Variants in RALYL observed in about 807,000 individuals in gnomAD.
RALYL encodes the protein RALY RNA binding protein like, also known as RNA-binding Raly-like protein.
RALYL carries 29 observed loss-of-function variants against 35.1 expected under a neutral mutation model. The ratio of observed to expected loss-of-function variants is 0.83; its 90% CI spans 0.61 to 1.13. The LOEUF is 1.13. Ranked by LOEUF, RALYL falls within the 50% of genes most tolerant of loss-of-function variation. The probability of loss-of-function intolerance (pLI) is 0.00; values close to 1 mark genes in which losing one functional copy is unlikely to be tolerated. For synonymous variants in RALYL, 120 were observed against 127.6 expected (o/e 0.94, Z 0.40); for missense variants, 359 against 360.4 (o/e 1.00, Z 0.03).
At chr8:84,252,110 C>T (rs1163390428) in intron 1 of RALYL, among the ~76,000 whole-genome samples, 2 of 151,922 alleles carry the variant, frequency 1.3e-5, no homozygotes, top group African/African-American at 2.4e-5. Flanking sequence ...AACATGGAAC[C>T]GTTATATTTT....
chr8:84,418,569 A>G (rs1408876372), intron 1 of RALYL, among the ~76,000 whole-genome samples: 1 of 152,114 alleles, frequency 6.6e-6, no homozygotes, highest in African/African-American at 2.4e-5. Flanking sequence ...CTCTAGGTAC[A>G]GTTTTATATT....
intron 3 of RALYL, among the ~76,000 whole-genome samples, chr8:84,798,944 G>A (rs1335799201): frequency 6.6e-6 from 1 of 152,158 alleles, no homozygotes; most frequent in Non-Finnish European, 1.5e-5. Context: ...GTAGACTGAA[G>A]TCATAGAAGA....
At chr8:84,319,945 A>G (rs372273922) in intron 1 of RALYL, among the ~76,000 whole-genome samples, 227 of 152,188 alleles carry the variant, frequency 1.5e-3, no homozygotes, top group African/African-American at 4.7e-3. Flanking sequence ...TATAGCTTAT[A>G]TTTATGTATA....
At chr8:84,787,263 G>A (rs1819745609) in intron 3 of RALYL, among the ~76,000 whole-genome samples, 1 of 150,624 alleles carries the variant, frequency 6.6e-6, no homozygotes. Flanking sequence ...TGCGGTGTTT[G>A]GTTTTCTGTT....
At chr8:84,323,538 C>A (rs1269596009) in intron 1 of RALYL, among the ~76,000 whole-genome samples, 1 of 152,000 alleles carries the variant, frequency 6.6e-6, no homozygotes, top group African/African-American at 2.4e-5. Flanking sequence ...AAAATCATTT[C>A]ATTTCTTGGT....
intron 4 of RALYL, among the ~76,000 whole-genome samples, chr8:84,816,419 T>A (rs1292882440): frequency 6.6e-6 from 1 of 152,216 alleles, no homozygotes; most frequent in East Asian, 1.9e-4. Context: ...AAATTAAATA[T>A]CGATTTATAC....
rs114199488 is a variant in RALYL, at chr8:84,580,771, A to T, written c.256+51194A>T. 1.8e-3 allele frequency among the ~76,000 whole-genome samples: 280 copies of T among 152,322 alleles called. 2 individuals are homozygous for T. The highest frequency in any genetic ancestry group is 6.6e-3 in the African/African-American group (273 of 41,568). ...ATTGCTGCAATTACTATTGCTGCAT[A>T]ATAAGTCACCCCAAATTGTATTAGT... On this transcript the variant is annotated intron_variant, in intron 2 of 8. Transcript: ENST00000521268.
At chr8:84,785,921 C>T (rs578092390) in intron 3 of RALYL, among the ~76,000 whole-genome samples, 3 of 152,190 alleles carry the variant, frequency 2.0e-5, no homozygotes, top group Non-Finnish European at 2.9e-5. Context: ...CACCTATCAA[C>T]CCATCACCTA....
intron 1 of RALYL, among the ~76,000 whole-genome samples, chr8:84,279,639 G>T (rs1025672637): frequency 1.3e-5 from 2 of 152,126 alleles, no homozygotes; most frequent in Non-Finnish European, 2.9e-5. Flanking sequence ...GTTATTTGTG[G>T]AGGCTTTGGA....
chr8:84,878,412 A>G (rs1841582996), intron 7 of RALYL, among the ~76,000 whole-genome samples: 1 of 152,124 alleles, frequency 6.6e-6, no homozygotes, highest in South Asian at 2.1e-4. Context: ...CAACTAAGGA[A>G]TCACTCAGCC....
intron 1 of RALYL, among the ~76,000 whole-genome samples, chr8:84,469,744 G>T (rs1463218944): frequency 6.6e-6 from 1 of 152,140 alleles, no homozygotes; most frequent in African/African-American, 2.4e-5. Context: ...CAGCCTAGCT[G>T]CCCCCTTGCA....
intron 2 of RALYL, among the ~76,000 whole-genome samples, chr8:84,735,059 C>T (rs189976642): frequency 6.7e-6 from 1 of 149,692 alleles, no homozygotes; most frequent in Admixed American, 6.7e-5. Context: ...CCTGAAAGTT[C>T]AGTCACATTT....
At chr8:84,199,727 T>C (rs777118542) in intron 1 of RALYL, among the ~76,000 whole-genome samples, 302 of 152,282 alleles carry the variant, frequency 2.0e-3, no homozygotes, top group Non-Finnish European at 3.4e-3. Flanking sequence ...TATCCAGTTT[T>C]CCCAGCACCA....
chr8:84,559,764 G>C (rs893127636), intron 2 of RALYL, among the ~76,000 whole-genome samples: 1 of 151,956 alleles, frequency 6.6e-6, no homozygotes, highest in Non-Finnish European at 1.5e-5. Flanking sequence ...GACATCTCAG[G>C]ATATGACCAA....
chr8:84,635,018 G>A (rs1388521829), intron 2 of RALYL, among the ~76,000 whole-genome samples: 8 of 151,652 alleles, frequency 5.3e-5, no homozygotes, highest in African/African-American at 1.9e-4. Flanking sequence ...CCAGATAATG[G>A]TGGTAAAAAA....
intron 4 of RALYL, among the ~76,000 whole-genome samples, chr8:84,813,003 G>T (rs973400970): frequency 6.6e-6 from 1 of 152,014 alleles, no homozygotes; most frequent in African/African-American, 2.4e-5. Context: ...TTTTTCCCCC[G>T]CTCCTCTGGC....
chr8:84,341,534 G>A (rs192971613), intron 1 of RALYL, among the ~76,000 whole-genome samples: 17 of 151,808 alleles, frequency 1.1e-4, no homozygotes, highest in Admixed American at 8.5e-4. Flanking sequence ...TATCGGTATC[G>A]CATTTATATA....
intron 7 of RALYL, among the ~76,000 whole-genome samples, chr8:84,874,218 G>A (rs1840714954): frequency 6.6e-6 from 1 of 152,042 alleles, no homozygotes; most frequent in Non-Finnish European, 1.5e-5. Context: ...CCCTGTATCT[G>A]TTCTAGATAC....
intron 1 of RALYL, among the ~76,000 whole-genome samples, chr8:84,211,078 GTCTT>G (rs1452801344): frequency 6.6e-6 from 1 of 152,022 alleles, no homozygotes; most frequent in Non-Finnish European, 1.5e-5. Context: ...TGTGGTCACT[GTCTT>G]TATATAATCC....
Sources: gnomAD v4.1 joint callset for allele counts (sites outside exome capture counted in the v4.1 genomes callset) on GRCh38, gnomAD v4.1.1 for gene constraint, MANE v1.5 for transcripts, NCBI Gene and HGNC (gene_info 2026-07-23, HGNC 2026-07-21) for gene names.